SAMMSON: variants seen among roughly 807,000 people sequenced by gnomAD.
SAMMSON encodes the protein long intergenic non-protein coding RNA 1212.
chr3:70,367,978 T>A (rs1461218552), intron 9 of SAMMSON, among the ~76,000 whole-genome samples: 1 of 151,370 alleles, frequency 6.6e-6, no homozygotes, highest in African/African-American at 2.4e-5. Flanking sequence ...TTTTTATTGT[T>A]GAGTTTGAAG....
intron 4 of SAMMSON, among the ~76,000 whole-genome samples, chr3:70,117,895 A>G (rs1014219732): frequency 2.6e-5 from 4 of 152,246 alleles, no homozygotes; most frequent in East Asian, 3.9e-4. Flanking sequence ...TGTCCTCTGG[A>G]TAATTTTTTT....
chr3:70,391,068 G>A (rs1419156912), downstream of SAMMSON, among the ~76,000 whole-genome samples: 1 of 152,054 alleles, frequency 6.6e-6, no homozygotes, highest in Non-Finnish European at 1.5e-5. Flanking sequence ...AGTGACTAGT[G>A]GTAATTTACA....
chr3:70,302,212 G>A (rs1702355862), intron 7 of SAMMSON, among the ~76,000 whole-genome samples: 1 of 152,122 alleles, frequency 6.6e-6, no homozygotes, highest in African/African-American at 2.4e-5. Flanking sequence ...ATTTATGCCT[G>A]TAGAGTGATG....
intron 2 of SAMMSON, among the ~76,000 whole-genome samples, chr3:70,433,449 C>T (rs1701432154): frequency 6.6e-6 from 1 of 152,084 alleles, no homozygotes; most frequent in Non-Finnish European, 1.5e-5. Flanking sequence ...CTATCTGTAT[C>T]TGCATTGTTG....
chr3:70,211,638 TC>T (rs1396414126), intron 4 of SAMMSON, among the ~76,000 whole-genome samples: 2 of 136,796 alleles, frequency 1.5e-5, no homozygotes, highest in Non-Finnish European at 3.2e-5. Flanking sequence ...TCCCTTCCCT[TC>T]CCTTTGCCTT....
intron 3 of SAMMSON, among the ~76,000 whole-genome samples, chr3:70,071,283 G>T (rs1395530111): frequency 7.1e-6 from 1 of 141,644 alleles, no homozygotes; most frequent in Admixed American, 7.1e-5. Context: ...TCAGTTATGC[G>T]TAGATGCACA....
At chr3:70,263,380 G>T (rs1701886197) in intron 6 of SAMMSON, among the ~76,000 whole-genome samples, 1 of 151,934 alleles carries the variant, frequency 6.6e-6, no homozygotes, top group Non-Finnish European at 1.5e-5. Context: ...ACTCTTTTAG[G>T]GTAGGTCTAT....
intron 4 of SAMMSON, chr3:70,140,266 T>TGGA (rs2067522546): frequency 5.2e-6 from 1 of 190,864 alleles, no homozygotes; most frequent in African/African-American, 2.3e-5. Context: ...GAAGATCTCA[T>TGGA]GGAGGAGGAA....
chr3:70,252,637 A>G (rs1396177218), intron 6 of SAMMSON, among the ~76,000 whole-genome samples: 1 of 152,214 alleles, frequency 6.6e-6, no homozygotes, highest in Non-Finnish European at 1.5e-5. Context: ...TATAGGAGGT[A>G]ACTATTTGGT....
chr3:70,101,266 A>G (rs537620948), intron 4 of SAMMSON, among the ~76,000 whole-genome samples: 1 of 152,332 alleles, frequency 6.6e-6, no homozygotes, highest in South Asian at 2.1e-4. Context: ...TCCAATATTT[A>G]AAACCATACA....
intron 4 of SAMMSON, among the ~76,000 whole-genome samples, chr3:70,161,262 G>T (rs1048042916): frequency 6.6e-6 from 1 of 151,956 alleles, no homozygotes. Flanking sequence ...AATCTTAGGG[G>T]ACTTCCTTCA....
chr3:70,184,064 G>A (rs189490538), intron 4 of SAMMSON: 23 of 152,304 alleles, frequency 1.5e-4, no homozygotes, highest in African/African-American at 5.5e-4. Context: ...TGGTTGCAAA[G>A]ATGGGGTTTG....
intron 6 of SAMMSON, among the ~76,000 whole-genome samples, chr3:70,274,379 A>ATGAG (rs1433398038): frequency 1.3e-5 from 2 of 152,164 alleles, no homozygotes; most frequent in Non-Finnish European, 2.9e-5. Flanking sequence ...GAAATATAGA[A>ATGAG]TGAGTATGTG....
intron 7 of SAMMSON, chr3:70,292,061 G>T (rs1702244426): frequency 6.6e-6 from 1 of 152,136 alleles, no homozygotes; most frequent in African/African-American, 2.4e-5. Flanking sequence ...CATGATTATT[G>T]TATAAAACTA....
chr3:70,169,513 A>G (rs143843698), intron 4 of SAMMSON, among the ~76,000 whole-genome samples: 100 of 152,152 alleles, frequency 6.6e-4, no homozygotes, highest in African/African-American at 2.2e-3. Context: ...ATATTTACAC[A>G]TGATTTTTAT....
chr3:70,123,261 AGTTT>A (rs2067442665), intron 4 of SAMMSON, among the ~76,000 whole-genome samples: 2 of 152,024 alleles, frequency 1.3e-5, no homozygotes, highest in African/African-American at 4.8e-5. Context: ...CTGGTAAGCT[AGTTT>A]GTTTTGTTTT....
At chr3:70,159,193 A>G (rs1364821613) in intron 4 of SAMMSON, among the ~76,000 whole-genome samples, 1 of 151,210 alleles carries the variant, frequency 6.6e-6, no homozygotes, top group African/African-American at 2.4e-5. Context: ...TTTTTGTTAT[A>G]CTTTAACTTT....
At chr3:70,076,352 T>C (rs574814947) in intron 4 of SAMMSON, among the ~76,000 whole-genome samples, 1 of 152,228 alleles carries the variant, frequency 6.6e-6, no homozygotes, top group Non-Finnish European at 1.5e-5. Context: ...GGAGTATAAA[T>C]TGGGATGACA....
At chr3:70,175,975 C>T (rs78127216) in intron 4 of SAMMSON, among the ~76,000 whole-genome samples, 2 of 152,020 alleles carry the variant, frequency 1.3e-5, no homozygotes, top group Non-Finnish European at 2.9e-5. Context: ...CAAGAGCACA[C>T]TTCATCTAGA....
Sources: gnomAD v4.1 joint callset for allele counts (sites outside exome capture counted in the v4.1 genomes callset) on GRCh38, gnomAD v4.1.1 for gene constraint, MANE v1.5 for transcripts, NCBI Gene and HGNC (gene_info 2026-07-23, HGNC 2026-07-21) for gene names.